The following MAST4 variants were observed in gnomAD, a reference collection of about 807,000 sequenced individuals.
MAST4 encodes the protein microtubule-associated serine/threonine-protein kinase 4.
MAST4 carries 89 observed loss-of-function variants against 162.7 expected under a neutral mutation model. That is an observed-to-expected ratio of 0.55 (90% CI 0.46 to 0.65). MAST4 has a LOEUF of 0.65. Among genes scored for constraint, MAST4 ranks in the 30% least tolerant of loss-of-function variants. MAST4 has a pLI of 0.00. For synonymous variants in MAST4, 1,479 were observed against 1,361.1 expected (o/e 1.09, Z -1.91); for missense variants, 3,153 against 3,374.0 (o/e 0.93, Z 1.62).
chr5:67,127,386 T>TAAA (rs1768379525), intron 14 of MAST4, among the ~76,000 whole-genome samples: 1 of 152,204 alleles, frequency 6.6e-6, no homozygotes, highest in African/African-American at 2.4e-5. Context: ...TAAATAGCTC[T>TAAA]TATTATTTTG....
At chr5:66,867,883 G>C (rs1219505634) in intron 3 of MAST4, among the ~76,000 whole-genome samples, 1 of 152,224 alleles carries the variant, frequency 6.6e-6, no homozygotes, top group Non-Finnish European at 1.5e-5. Context: ...GTGATACCAG[G>C]AGACTGATAT....
At position 67,120,035 on chromosome 5, in the gene MAST4, G is replaced by A. The variant is rs1158625246; in HGVS notation, c.1660-982G>A. Among the ~76,000 whole-genome samples the A allele has an allele frequency of 7.2e-5, 11 of 152,368 alleles. No homozygotes were observed. In the East Asian group the frequency reaches 2.1e-3, roughly 29 times the overall value. On this transcript the variant is annotated intron_variant, in intron 13 of 28. Transcript: ENST00000403625. ...GTAAGTGGTCCCAGTCTCGAAGTCT[G>A]TTTTCTGTGATGGAGCATTGGCAGG... is the stretch of plus-strand genomic sequence containing the variant.
chr5:66,955,614 A>G (rs188461549), intron 4 of MAST4, among the ~76,000 whole-genome samples: 3 of 152,286 alleles, frequency 2.0e-5, no homozygotes, highest in South Asian at 2.1e-4. Flanking sequence ...TTAATTTTAT[A>G]TACTCTTACT....
At chr5:67,137,797 T>C (rs1769858624) in intron 19 of MAST4, among the ~76,000 whole-genome samples, 1 of 152,216 alleles carries the variant, frequency 6.6e-6, no homozygotes. Flanking sequence ...ATTTAGGTAT[T>C]GTATGGCTGC....
At chr5:66,600,681 C>G (rs1397387592) in intron 1 of MAST4, among the ~76,000 whole-genome samples, 1 of 152,198 alleles carries the variant, frequency 6.6e-6, no homozygotes, top group Non-Finnish European at 1.5e-5. Flanking sequence ...CTCTAGATCT[C>G]TTATCAAGAG....
chr5:66,721,312 C>T (rs1751196078), intron 1 of MAST4, among the ~76,000 whole-genome samples: 1 of 152,156 alleles, frequency 6.6e-6, no homozygotes, highest in East Asian at 1.9e-4. Context: ...GCTTTCATCC[C>T]TTGCTCTGTA....
At position 66,624,927 on chromosome 5, in the gene MAST4, T is replaced by C. The variant is rs745349401; in HGVS notation, c.363+27909T>C. On this transcript the variant is annotated intron_variant, in intron 1 of 28. Transcript: ENST00000403625. The stretch of plus-strand genomic sequence containing the variant: ...CTCCTAGAAGAAAACAGGGAAAACC[T>C]TGACCTTGGTCTTGGCAATAATTTT... Among the ~76,000 whole-genome samples, 256 of 152,214 alleles carry C rather than the reference T, an allele frequency of 1.7e-3. 2 individuals are homozygous for C. The highest frequency in any genetic ancestry group is 3.0e-3 in the Non-Finnish European group (205 of 68,040).
intron 4 of MAST4, among the ~76,000 whole-genome samples, chr5:67,008,719 T>TTC (rs1752326245): frequency 6.6e-6 from 1 of 152,178 alleles, no homozygotes; most frequent in Non-Finnish European, 1.5e-5. Flanking sequence ...AAATGTCTTT[T>TTC]TCTGAGAACC....
intron 1 of MAST4, among the ~76,000 whole-genome samples, chr5:66,669,513 A>G (rs770095209): frequency 2.4e-4 from 36 of 152,332 alleles, no homozygotes; most frequent in African/African-American, 8.2e-4. Context: ...GTTGCAACCC[A>G]GTTGACATTC....
chr5:66,863,665 G>C (rs938552805), intron 3 of MAST4, among the ~76,000 whole-genome samples: 1 of 152,098 alleles, frequency 6.6e-6, no homozygotes, highest in Non-Finnish European at 1.5e-5. Context: ...TCTGGTGTCT[G>C]GTTGGGTTCA....
chr5:67,017,787 CG>C lies in MAST4; in HGVS notation c.675-36613del, dbSNP rs1435454959. Among the ~76,000 whole-genome samples, 3 of 151,508 alleles carry C rather than the reference CG, an allele frequency of 2.0e-5. No homozygotes were observed. The East Asian group carries it at 5.8e-4, about 29-fold the overall frequency. ...CTAATTTTCGTGTTTTTAGTAGAGA[CG>C]GGGTTTCTTCATGTTGGTCAGGCTG... On this transcript the variant is annotated intron_variant, in intron 4 of 28. Transcript: ENST00000403625.
chr5:67,002,973 A>G (rs1431071491), intron 4 of MAST4, among the ~76,000 whole-genome samples: 1 of 149,682 alleles, frequency 6.7e-6, no homozygotes, highest in Non-Finnish European at 1.5e-5. Context: ...CGAGGTCAGC[A>G]ATGTTGCTAA....
chr5:66,693,303 T>TA (rs764417519), intron 1 of MAST4, among the ~76,000 whole-genome samples: 66 of 152,056 alleles, frequency 4.3e-4, no homozygotes, highest in African/African-American at 1.3e-3. Flanking sequence ...GTAAGGCATC[T>TA]AAAAAAAATC....
At chr5:66,716,473 G>A (rs376655476) in intron 1 of MAST4, among the ~76,000 whole-genome samples, 3 of 151,798 alleles carry the variant, frequency 2.0e-5, no homozygotes, top group African/African-American at 7.3e-5. Context: ...AGCCTCCCGA[G>A]TAGCTGGGAC....
chr5:67,091,129 G>T (rs1282511177), intron 6 of MAST4, among the ~76,000 whole-genome samples: 1 of 152,022 alleles, frequency 6.6e-6, no homozygotes, highest in Non-Finnish European at 1.5e-5. Flanking sequence ...CATATAGGTA[G>T]GTTAAAAAAA....
chr5:66,933,301 C>T (rs1032649100), intron 4 of MAST4, among the ~76,000 whole-genome samples: 2 of 152,172 alleles, frequency 1.3e-5, no homozygotes, highest in Non-Finnish European at 2.9e-5. Flanking sequence ...GAAGTGAGAT[C>T]ATGAGATTTG....
intron 4 of MAST4, among the ~76,000 whole-genome samples, chr5:66,932,993 T>A (rs1351287968): frequency 2.0e-5 from 3 of 152,264 alleles, no homozygotes; most frequent in African/African-American, 4.8e-5. Context: ...CTCCTCATAG[T>A]TATAGCCTTT....
At chr5:66,773,709 TCTC>T (rs1206484673) in intron 2 of MAST4, among the ~76,000 whole-genome samples, 3 of 152,136 alleles carry the variant, frequency 2.0e-5, no homozygotes, top group Non-Finnish European at 4.4e-5. Flanking sequence ...TGCCATTCAT[TCTC>T]CTTCTGCCAT....
intron 3 of MAST4, among the ~76,000 whole-genome samples, chr5:66,803,526 T>A (rs1395391774): frequency 6.6e-6 from 1 of 152,182 alleles, no homozygotes; most frequent in Non-Finnish European, 1.5e-5. Flanking sequence ...TTGCTCTGTT[T>A]ATTTAGGACT....
Sources: allele counts gnomAD v4.1 joint callset (sites outside exome capture counted in the v4.1 genomes callset), GRCh38; gene constraint gnomAD v4.1.1; transcripts MANE v1.5; gene names NCBI Gene and HGNC (gene_info 2026-07-23, HGNC 2026-07-21).